The following CEMIP variants were observed in gnomAD, a reference collection of about 807,000 sequenced individuals.
CEMIP encodes the protein cell migration inducing hyaluronidase 1.
A neutral mutation model predicts 156.9 loss-of-function variants in CEMIP; 105 were observed. The observed-to-expected ratio is 0.67, with a 90% CI of 0.57 to 0.79. The LOEUF (loss-of-function observed/expected upper bound fraction) is 0.79, where lower values mean the gene tolerates loss of function less well. Ranked by LOEUF, CEMIP falls within the 30% of genes least tolerant of loss-of-function variation. The pLI is 0.00. For synonymous variants in CEMIP, 676 were observed against 668.4 expected, an observed-to-expected ratio of 1.01 and a Z score of -0.17; for missense variants, 1,457 against 1,769.4, an observed-to-expected ratio of 0.82 and a Z score of 3.17.
chr15:80,791,254 G>C (rs973023585), intron 1 of CEMIP, among the ~76,000 whole-genome samples: 1 of 152,176 alleles, frequency 6.6e-6, no homozygotes, highest in Non-Finnish European at 1.5e-5. Context: ...TGATCAATTG[G>C]TGGGTGTTAG....
intron 1 of CEMIP, among the ~76,000 whole-genome samples, chr15:80,825,004 G>C (rs145840746): frequency 7.5e-4 from 114 of 152,294 alleles, no homozygotes; most frequent in African/African-American, 2.7e-3. Flanking sequence ...TGTGAACTGT[G>C]AGCTTGAGTA....
In CEMIP at chr15:80,932,908, T is replaced by A. The variant is rs922941151; in HGVS notation, c.2794-337T>A. On this transcript the variant is annotated intron_variant, in intron 22 of 29. Transcript: ENST00000394685. This position sits in a 1 kb window ranked among gnomAD's most constrained non-coding sequence, Gnocchi z 4.5. Reference sequence around the variant, plus strand: ...ACCCCCACCTCCCTCTCACACACAGTCACACTCACAGTCCTCAGTCCCCCT... The same window carrying A: ...ACCCCCACCTCCCTCTCACACACAGACACACTCACAGTCCTCAGTCCCCCT... 6.6e-6 allele frequency among the ~76,000 whole-genome samples: 1 copy of A among 152,054 alleles called. No homozygotes were observed. Among genetic ancestry groups the A allele is most frequent in the Non-Finnish European group, 1.5e-5 (1 of 68,032 alleles).
intron 7 of CEMIP, 93 bp downstream of exon 7, chr15:80,884,447 C>A: frequency 7.8e-7 from 1 of 1,288,938 alleles, no homozygotes; most frequent in Non-Finnish European, 1.1e-6. Context: ...CCTCTCCCCA[C>A]AGCCGTACCA....
intron 1 of CEMIP, among the ~76,000 whole-genome samples, chr15:80,821,806 G>T (rs12438224): frequency 0.15 from 23,539 of 152,268 alleles, 2,388 homozygotes; most frequent in East Asian, 0.4. Flanking sequence ...CTGCCTGAAG[G>T]CACAGCTCTG....
intron 14 of CEMIP, 179 bp downstream of exon 14, chr15:80,909,485 G>C (rs1056776387): frequency 5.6e-6 from 4 of 715,374 alleles, no homozygotes; most frequent in African/African-American, 1.7e-5. Flanking sequence ...GGAGAAAATA[G>C]AGGTTTGTCC....
chr15:80,906,662 G>A lies in CEMIP; in HGVS notation c.1412-1G>A. 6.2e-7 allele frequency: 1 copy of A among 1,612,368 alleles called. No homozygotes were observed. The highest frequency in any genetic ancestry group is 8.5e-7 in the Non-Finnish European group (1 of 1,178,740). On this transcript the variant is annotated splice_acceptor_variant, in intron 12 of 29. Transcript: ENST00000394685. LOFTEE classifies it high-confidence loss of function. The surrounding 1 kb of genome is among the most constrained non-coding windows in gnomAD (Gnocchi z 4.3). ...TTTACCGTCCTCCCTTTCTGCCCTA[G>A]GGAAACCAATGTACCTGCACATCGG...
At position 80,919,141 on chromosome 15, in the gene CEMIP, A is replaced by G. The variant is rs76323606; in HGVS notation, c.1798-953A>G. Reference sequence around the variant, plus strand: ...AGAGCTGGAGTTTGCAGCCCTTTCTAGTTCTGAACCCAGGCGTTGCAAATG... The same window carrying G: ...AGAGCTGGAGTTTGCAGCCCTTTCTGGTTCTGAACCCAGGCGTTGCAAATG... On this transcript the variant is annotated intron_variant, in intron 14 of 29. Transcript: ENST00000394685. 5.5e-3 allele frequency among the ~76,000 whole-genome samples: 836 copies of G among 152,256 alleles called. 7 individuals are homozygous for G. Among genetic ancestry groups the G allele is most frequent in the African/African-American group, 0.019 (799 of 41,548 alleles).
chr15:80,900,744 G>C, intron 12 of CEMIP: 2 of 340,082 alleles, frequency 5.9e-6, no homozygotes, highest in Non-Finnish European at 1.2e-5. Flanking sequence ...TCATCCCCAA[G>C]CCCATTCTCT....
At chr15:80,923,803 C>T (rs1900559289) in intron 17 of CEMIP, among the ~76,000 whole-genome samples, 1 of 152,164 alleles carries the variant, frequency 6.6e-6, no homozygotes, top group South Asian at 2.1e-4. Context: ...ATAGGTATCA[C>T]TAGCCCATCT....
chr15:80,858,005 A>G (rs181655201), intron 1 of CEMIP, among the ~76,000 whole-genome samples: 2 of 152,286 alleles, frequency 1.3e-5, no homozygotes, highest in Admixed American at 6.5e-5. Flanking sequence ...CAAGGAAATG[A>G]CAGAGAGGCC....
chr15:80,938,139 C>T lies in CEMIP; in HGVS notation c.3407+160C>T, dbSNP rs114769418. On this transcript the variant is annotated intron_variant, in intron 25 of 29. Transcript: ENST00000394685. ...TAAGGCTGACTGTCCCATACATTAA[C>T]GACATTTTTAAAGCTATTAAGCTTT... 3.8e-3 allele frequency: 2,452 copies of T among 638,854 alleles called. 46 individuals are homozygous for T. The highest frequency in any genetic ancestry group is 0.027 in the African/African-American group (1,470 of 54,948). The allele number at this position is 638,854 out of a possible 1,614,324, so 39.6% of individuals were successfully genotyped here. A position where few individuals can be genotyped will look rare whatever the true frequency, so the allele number is the denominator to read the frequency against.
At chr15:80,814,191 G>T (rs1896737457) in intron 1 of CEMIP, among the ~76,000 whole-genome samples, 1 of 151,958 alleles carries the variant, frequency 6.6e-6, no homozygotes, top group Admixed American at 6.6e-5. Context: ...TGGGACTACA[G>T]GTGCCCGCCA....
intron 19 of CEMIP, among the ~76,000 whole-genome samples, chr15:80,928,406 G>A (rs1434645900): frequency 6.6e-6 from 1 of 152,120 alleles, no homozygotes; most frequent in African/African-American, 2.4e-5. Flanking sequence ...GCATCTGCCT[G>A]GCTTCCTGGA....
At chr15:80,780,709 G>C (rs1417530597) in intron 1 of CEMIP, among the ~76,000 whole-genome samples, 1 of 152,220 alleles carries the variant, frequency 6.6e-6, no homozygotes, top group African/African-American at 2.4e-5. Flanking sequence ...CCATCCCTGC[G>C]GTCTGGAAAG....
At chr15:80,786,183 G>C (rs1895932583) in intron 1 of CEMIP, among the ~76,000 whole-genome samples, 1 of 152,054 alleles carries the variant, frequency 6.6e-6, no homozygotes, top group Non-Finnish European at 1.5e-5. Context: ...TTTTGCTTTT[G>C]GCAGTCATAT....
At position 80,901,481 on chromosome 15, in the gene CEMIP, C is replaced by G. The variant is rs533778954; in HGVS notation, c.1412-5182C>G. 2.0e-5 allele frequency among the ~76,000 whole-genome samples: 3 copies of G among 152,244 alleles called. No homozygotes were observed. In the South Asian group the frequency reaches 6.2e-4, roughly 32 times the overall value. On this transcript the variant is annotated intron_variant, in intron 12 of 29. Transcript: ENST00000394685. ...CTTTGGGAGGCTGAGGTGGGTGGAT[C>G]ACCTGAGGTCAGGAGTTCGAGACCA...
chr15:80,868,842 G>A (rs1390965350), intron 1 of CEMIP, among the ~76,000 whole-genome samples: 1 of 152,164 alleles, frequency 6.6e-6, no homozygotes, highest in African/African-American at 2.4e-5. Context: ...CAGGACCCTG[G>A]TAGTGTTTGC....
chr15:80,905,432 C>T (rs979878695), intron 12 of CEMIP, among the ~76,000 whole-genome samples: 7 of 151,248 alleles, frequency 4.6e-5, no homozygotes, highest in South Asian at 4.1e-4. Flanking sequence ...GCAGAATTTG[C>T]GGCTATAAAT....
intron 1 of CEMIP, among the ~76,000 whole-genome samples, chr15:80,789,409 C>T (rs552849697): frequency 6.6e-6 from 1 of 152,270 alleles, no homozygotes; most frequent in East Asian, 1.9e-4. Flanking sequence ...GAATGTTTTG[C>T]AAATTCTGCT....
Sources: allele counts gnomAD v4.1 joint callset (sites outside exome capture counted in the v4.1 genomes callset), GRCh38; gene constraint gnomAD v4.1.1; non-coding constraint Gnocchi (gnomAD v3.1); transcripts MANE v1.5; gene names NCBI Gene and HGNC (gene_info 2026-07-23, HGNC 2026-07-21).